The following DGKG variants were observed in gnomAD, a reference collection of about 807,000 sequenced individuals.
DGKG encodes the protein diacylglycerol kinase gamma, also known as DAG kinase gamma.
Under a neutral mutation model 105.3 loss-of-function variants are expected in DGKG, and 78 were observed. The observed-to-expected ratio is 0.74, with a 90% confidence interval of 0.62 to 0.89. The LOEUF is 0.89. Ranked by LOEUF, DGKG falls within the 40% of genes least tolerant of loss-of-function variation. DGKG has a pLI of 0.00. For missense variants in DGKG, 958 were observed against 1,020.1 expected, an observed-to-expected ratio of 0.94 and a Z score of 0.83; for synonymous variants, 346 against 367.1, an observed-to-expected ratio of 0.94 and a Z score of 0.66.
chr3:186,179,478 G>A (rs1273323426), intron 22 of DGKG, among the ~76,000 whole-genome samples: 1 of 152,158 alleles, frequency 6.6e-6, no homozygotes, highest in African/African-American at 2.4e-5. Flanking sequence ...TCACCTTGCT[G>A]GTACTCACTT....
chr3:186,184,655 C>T (rs1578635151), intron 22 of DGKG, among the ~76,000 whole-genome samples: 1 of 152,204 alleles, frequency 6.6e-6, no homozygotes, highest in South Asian at 2.1e-4. Context: ...CTGCCTCGGC[C>T]TCCCAAAGTG....
chr3:186,357,053 A>C (rs1467602254), intron 1 of DGKG, among the ~76,000 whole-genome samples: 1 of 152,124 alleles, frequency 6.6e-6, no homozygotes, highest in Non-Finnish European at 1.5e-5. Context: ...GATCCTCGCC[A>C]TCTGTTGATG....
chr3:186,207,037 C>T (rs1241391955), intron 21 of DGKG, among the ~76,000 whole-genome samples: 2 of 152,076 alleles, frequency 1.3e-5, no homozygotes, highest in Non-Finnish European at 2.9e-5. Flanking sequence ...GCATGAGCCA[C>T]CGCACCCAGC....
rs769717046 is a variant in DGKG at position 186,280,691 on chromosome 3, C to G, written c.648G>C (p.Trp216Cys). 1.9e-6 allele frequency: 3 copies of G among 1,614,082 alleles called. No homozygotes were observed. In the Admixed American group the frequency reaches 5.0e-5, roughly 27 times the overall value. ...TCACAGGCCTCAGCTCTGTGGGATCCCACTCCAGGTACTGGGCAATATGCA... is the reference window on the plus strand; with the variant it reads ...TCACAGGCCTCAGCTCTGTGGGATCGCACTCCAGGTACTGGGCAATATGCA... Reference protein sequence around the residue: ...QMLHIAQYLEWDPTELRPILK... With the variant: ...QMLHIAQYLECDPTELRPILK... The change falls in exon 8 of 25, where the codon TGG becomes TGC. Residue 216 changes from tryptophan (W) to cysteine (C), a missense_variant. Trp to Cys is a radical substitution (Grantham distance 215). Transcript: ENST00000265022.
intron 7 of DGKG, among the ~76,000 whole-genome samples, chr3:186,281,528 G>C (rs1313546689): frequency 6.6e-6 from 1 of 152,168 alleles, no homozygotes; most frequent in Non-Finnish European, 1.5e-5. Context: ...AGGACATGTT[G>C]GTAGACTGAA....
chr3:186,291,561 T>A (rs560415231), intron 5 of DGKG, among the ~76,000 whole-genome samples: 2 of 152,240 alleles, frequency 1.3e-5, no homozygotes, highest in Non-Finnish European at 2.9e-5. Context: ...AATCAGCAAC[T>A]AAAATATGTG....
intron 7 of DGKG, among the ~76,000 whole-genome samples, chr3:186,282,934 G>C (rs1054961413): frequency 2.0e-5 from 3 of 149,774 alleles, no homozygotes; most frequent in African/African-American, 7.4e-5. Context: ...TTTTGAGACG[G>C]AGTCTCCCTC....
At chr3:186,301,591 C>T (rs916378286) in intron 3 of DGKG, among the ~76,000 whole-genome samples, 1 of 152,204 alleles carries the variant, frequency 6.6e-6, no homozygotes, top group African/African-American at 2.4e-5. Context: ...GGCACCACTG[C>T]ACCCCAGCCT....
chr3:186,187,926 G>A (rs1475783258), intron 22 of DGKG, among the ~76,000 whole-genome samples: 3 of 152,186 alleles, frequency 2.0e-5, no homozygotes, highest in African/African-American at 7.2e-5. Flanking sequence ...TTAGCTATTG[G>A]AGAACCCTGG....
chr3:186,241,844 C>T (rs2300707), intron 20 of DGKG, among the ~76,000 whole-genome samples: 27,702 of 152,146 alleles, frequency 0.18, 2,669 homozygotes, highest in Middle Eastern at 0.27. Context: ...TTTCATCCTA[C>T]AAGGAAGAAG....
chr3:186,204,424 A>G (rs1427099573), intron 21 of DGKG, among the ~76,000 whole-genome samples: 6 of 152,142 alleles, frequency 3.9e-5, no homozygotes, highest in African/African-American at 1.4e-4. Context: ...AATAATAATA[A>G]TGGCGCTGGT....
chr3:186,180,949 A>T (rs921654447), intron 22 of DGKG, among the ~76,000 whole-genome samples: 1 of 152,176 alleles, frequency 6.6e-6, no homozygotes, highest in African/African-American at 2.4e-5. Flanking sequence ...TCCCAGGTAA[A>T]GTGTTCACAT....
chr3:186,288,618 A>C, intron 6 of DGKG, 92 bp downstream of exon 6: 1 of 1,380,944 alleles, frequency 7.2e-7, no homozygotes. Context: ...CGTGATATCA[A>C]CTCAATCTCC....
At chr3:186,215,312 G>A (rs1197335850) in intron 20 of DGKG, among the ~76,000 whole-genome samples, 1 of 151,654 alleles carries the variant, frequency 6.6e-6, no homozygotes, top group Admixed American at 6.6e-5. Flanking sequence ...TTGGGAAGCT[G>A]AGGTGGGAGA....
At chr3:186,161,441 G>C (rs1179947525) in intron 24 of DGKG, 162 bp downstream of exon 24, 1 of 1,445,606 alleles carries the variant, frequency 6.9e-7, no homozygotes, top group Non-Finnish European at 9.1e-7. Context: ...AGAGTTGCCA[G>C]GTAAATGAGT....
At chr3:186,225,206 A>T (rs1719797921) in intron 20 of DGKG, among the ~76,000 whole-genome samples, 1 of 151,398 alleles carries the variant, frequency 6.6e-6, no homozygotes, top group Admixed American at 6.6e-5. Flanking sequence ...GGCTGAAACA[A>T]TTCTCCCCTC....
At chr3:186,229,227 C>T (rs553339853) in intron 20 of DGKG, among the ~76,000 whole-genome samples, 32 of 150,934 alleles carry the variant, frequency 2.1e-4, no homozygotes, top group Admixed American at 2.0e-3. Flanking sequence ...ACCCTGCTGA[C>T]ATCCTTCAGA....
chr3:186,151,406 A>G (rs1345820325), intron 24 of DGKG, among the ~76,000 whole-genome samples: 1 of 152,244 alleles, frequency 6.6e-6, no homozygotes, highest in Non-Finnish European at 1.5e-5. Flanking sequence ...TGTCGGCTAA[A>G]CCAAGTGGTG....
chr3:186,156,673 T>C (rs1351092433), intron 24 of DGKG, among the ~76,000 whole-genome samples: 1 of 152,010 alleles, frequency 6.6e-6, no homozygotes, highest in Non-Finnish European at 1.5e-5. Context: ...TTTTTTTTTT[T>C]CTTTATTGGT....
Sources: gnomAD v4.1 joint callset for allele counts (sites outside exome capture counted in the v4.1 genomes callset) on GRCh38, gnomAD v4.1.1 for gene constraint, MANE v1.5 for transcripts, NCBI Gene and HGNC (gene_info 2026-07-23, HGNC 2026-07-21) for gene names.